Variants in AGBL1 observed in about 807,000 individuals in gnomAD.
AGBL1 encodes AGBL carboxypeptidase 1.
Under a neutral mutation model 118.9 loss-of-function variants are expected in AGBL1, and 130 were observed. The observed-to-expected ratio is 1.09, with a 90% CI of 0.95 to 1.26. AGBL1 has a LOEUF of 1.26. Among genes scored for constraint, AGBL1 ranks in the 50% most tolerant of loss-of-function variants. The pLI, the probability that AGBL1 is intolerant of heterozygous loss-of-function variation, is 0.00. For missense variants in AGBL1, 1,584 were observed against 1,298.1 expected, an observed-to-expected ratio of 1.22 and a Z score of -3.38; for synonymous variants, 555 against 478.9, an observed-to-expected ratio of 1.16 and a Z score of -2.08.
intron 1 of AGBL1, 138 bp downstream of exon 1, chr15:86,080,161 C>T (rs189886070): frequency 1.8e-6 from 1 of 549,214 alleles, no homozygotes; most frequent in African/African-American, 1.9e-5. Context: ...GGAGTCGGCT[C>T]TCACCTTGAA....
chr15:87,003,495 ATG>A (rs1396517449), intron 24 of AGBL1, among the ~76,000 whole-genome samples: 2 of 152,196 alleles, frequency 1.3e-5, no homozygotes, highest in African/African-American at 4.8e-5. Context: ...TCCTCACAAA[ATG>A]AGTTAGGGAG....
rs1281183298 is a variant in AGBL1 at position 86,165,438 on chromosome 15, C to T, written c.488+6412C>T. Among the ~76,000 whole-genome samples the T allele has an allele frequency of 4.6e-5, 7 of 152,296 alleles. No individual in the cohort carries two copies. The East Asian group carries it at 1.4e-3, about 29-fold the overall frequency. ...TCTTCTGGGCTTTCTCCAACCATCA[C>T]TCCATTCCACTTTATCTGATCATAG... On this transcript the variant is annotated intron_variant, in intron 5 of 22. Coordinates refer to ENST00000614907, the MANE Select transcript of AGBL1 (RefSeq NM_001386094.1).
At chr15:86,858,769 G>T (rs2079520971) in intron 22 of AGBL1, among the ~76,000 whole-genome samples, 1 of 152,118 alleles carries the variant, frequency 6.6e-6, no homozygotes, top group South Asian at 2.1e-4. Context: ...ACTTGGGTGG[G>T]GTAGGGGGAT....
chr15:86,299,160 G>T (rs1035863446), intron 17 of AGBL1, among the ~76,000 whole-genome samples: 2 of 152,096 alleles, frequency 1.3e-5, no homozygotes, highest in Admixed American at 6.6e-5. Flanking sequence ...CAATAAAGAA[G>T]ACTTACTACT....
At chr15:86,261,770 AGGTTTCGAAAT>A (rs2078989937) in intron 9 of AGBL1, among the ~76,000 whole-genome samples, 2 of 152,292 alleles carry the variant, frequency 1.3e-5, no homozygotes, top group South Asian at 4.1e-4. Context: ...CATCATTAAA[AGGTTTCGAAAT>A]GGTGATCTAT....
chr15:86,157,745 T>A (rs546178957), intron 4 of AGBL1, among the ~76,000 whole-genome samples: 1 of 152,308 alleles, frequency 6.6e-6, no homozygotes, highest in East Asian at 1.9e-4. Flanking sequence ...ACAGCTCCTA[T>A]CTTCAGAAGG....
At chr15:86,901,866 A>T (rs988045024) in intron 22 of AGBL1, among the ~76,000 whole-genome samples, 5 of 151,784 alleles carry the variant, frequency 3.3e-5, no homozygotes, top group African/African-American at 9.7e-5. Flanking sequence ...TTGTGGATGA[A>T]TTTTTTTTAG....
intron 22 of AGBL1, among the ~76,000 whole-genome samples, chr15:86,710,585 G>T (rs1398093033): frequency 6.6e-6 from 1 of 152,118 alleles, no homozygotes; most frequent in Non-Finnish European, 1.5e-5. Flanking sequence ...AAATTAAATT[G>T]CTATTGGACC....
In AGBL1 at chr15:86,536,885, T is replaced by G. The variant is rs76589108; in HGVS notation, c.2686-9117T>G. ...GGCTGCTCTCCGTGAAGGCCAGAAGTGAAAACAGAGGCTTCCGATGAAGAC... is the reference window on the plus strand; with the variant it reads ...GGCTGCTCTCCGTGAAGGCCAGAAGGGAAAACAGAGGCTTCCGATGAAGAC... On this transcript the variant is annotated intron_variant, in intron 19 of 22. Coordinates refer to ENST00000614907, the MANE Select transcript of AGBL1 (RefSeq NM_001386094.1). 1.1e-3 allele frequency among the ~76,000 whole-genome samples: 174 copies of G among 152,134 alleles called. 2 individuals are homozygous for G. Among genetic ancestry groups the G allele is most frequent in the African/African-American group, 4.0e-3 (166 of 41,504 alleles).
intron 18 of AGBL1, among the ~76,000 whole-genome samples, chr15:86,433,232 C>T (rs915341384): frequency 8.1e-5 from 12 of 148,110 alleles, no homozygotes; most frequent in Non-Finnish European, 1.2e-4. Flanking sequence ...TTCTTCTTCT[C>T]CTCCTCCTTC....
chr15:86,432,841 A>G (rs1352105758), intron 18 of AGBL1, among the ~76,000 whole-genome samples: 1 of 152,098 alleles, frequency 6.6e-6, no homozygotes, highest in Non-Finnish European at 1.5e-5. Context: ...AACAATGAGG[A>G]GCAGCCCCTG....
chr15:86,845,526 A>G (rs979902456), intron 22 of AGBL1, among the ~76,000 whole-genome samples: 5 of 152,140 alleles, frequency 3.3e-5, no homozygotes, highest in African/African-American at 1.2e-4. Context: ...GTTTATACTC[A>G]TGAAGGATAT....
intron 23 of AGBL1, among the ~76,000 whole-genome samples, chr15:86,986,495 A>G (rs1216205534): frequency 6.6e-6 from 1 of 152,124 alleles, no homozygotes; most frequent in Non-Finnish European, 1.5e-5. Flanking sequence ...TAGCCTTTTC[A>G]TATAATATAC....
intron 21 of AGBL1, among the ~76,000 whole-genome samples, chr15:86,567,239 G>A (rs889976814): frequency 1.3e-5 from 2 of 152,094 alleles, no homozygotes; most frequent in African/African-American, 4.8e-5. Context: ...ATACAGCCAG[G>A]GTTGAGAACC....
In AGBL1 at chr15:86,613,259, G is replaced by A. The variant is rs2084681349; in HGVS notation, c.2994+58722G>A. On this transcript the variant is annotated intron_variant, in intron 21 of 22. Coordinates refer to ENST00000614907, the MANE Select transcript of AGBL1 (RefSeq NM_001386094.1). This position sits in a 1 kb window ranked among gnomAD's most constrained non-coding sequence, Gnocchi z 4.2. ...TCGGAGCGAGAGGTTTGTTGGTTTT[G>A]GAACGTAAGATCCCAAACCATTGGA... 6.6e-6 allele frequency among the ~76,000 whole-genome samples: 1 copy of A among 152,164 alleles called. No homozygotes were observed. Among genetic ancestry groups the A allele is most frequent in the African/African-American group, 2.4e-5 (1 of 41,436 alleles).
chr15:86,194,110 A>T (rs887483661), intron 5 of AGBL1, among the ~76,000 whole-genome samples: 1 of 151,644 alleles, frequency 6.6e-6, no homozygotes, highest in African/African-American at 2.4e-5. Context: ...TGTTGGAACG[A>T]CTCATTTTGT....
chr15:86,480,869 C>G (rs2082642110), intron 18 of AGBL1, among the ~76,000 whole-genome samples: 1 of 151,972 alleles, frequency 6.6e-6, no homozygotes, highest in Non-Finnish European at 1.5e-5. Flanking sequence ...CAATGGTGAG[C>G]ATTCTAGTCT....
At chr15:86,341,541 A>G (rs532160731) in intron 17 of AGBL1, among the ~76,000 whole-genome samples, 1 of 152,190 alleles carries the variant, frequency 6.6e-6, no homozygotes, top group Non-Finnish European at 1.5e-5. Flanking sequence ...GGAAGGGTAC[A>G]TCTACTATAT....
intron 24 of AGBL1, among the ~76,000 whole-genome samples, chr15:87,002,089 T>G (rs2141762080): frequency 6.6e-6 from 1 of 152,222 alleles, no homozygotes; most frequent in South Asian, 2.1e-4. Flanking sequence ...CTAGGTTTTC[T>G]TCTAGGGTTT....
Sources: allele counts gnomAD v4.1 joint callset (sites outside exome capture counted in the v4.1 genomes callset), GRCh38; gene constraint gnomAD v4.1.1; non-coding constraint Gnocchi (gnomAD v3.1); transcripts MANE v1.5; gene names NCBI Gene and HGNC (gene_info 2026-07-23, HGNC 2026-07-21).